HSF2BP: variants seen among roughly 807,000 people sequenced by gnomAD.
HSF2BP encodes the protein heat shock transcription factor 2 binding protein, also known as heat shock factor 2-binding protein.
In HSF2BP, 35 loss-of-function variants were observed where a neutral mutation model predicts 35.0. That is an observed-to-expected ratio of 1.00 (90% confidence interval 0.76 to 1.32). The LOEUF (loss-of-function observed/expected upper bound fraction) is 1.32. Among genes scored for constraint, HSF2BP ranks in the 40% most tolerant of loss-of-function variants. The pLI, the probability that HSF2BP is intolerant of heterozygous loss-of-function variation, is 0.00. For synonymous variants in HSF2BP, 114 were observed against 117.4 expected (o/e 0.97, Z 0.18); for missense variants, 326 against 321.7 (o/e 1.01, Z -0.10).
intron 8 of HSF2BP, among the ~76,000 whole-genome samples, chr21:43,576,104 C>A (rs1010550721): frequency 5.8e-5 from 7 of 121,428 alleles, no homozygotes; most frequent in African/African-American, 2.0e-4. Flanking sequence ...GATGACAGAG[C>A]AAGATTTTGT....
At chr21:43,592,482 C>T (rs1029194370) in intron 7 of HSF2BP, among the ~76,000 whole-genome samples, 154 bp from the exon 8 acceptor site, 1 of 152,138 alleles carries the variant, frequency 6.6e-6, no homozygotes, top group South Asian at 2.1e-4. Flanking sequence ...CATCTGTCTA[C>T]GTGAGGCTAC....
intron 7 of HSF2BP, among the ~76,000 whole-genome samples, chr21:43,599,607 A>C (rs1001436777): frequency 4.6e-5 from 7 of 152,092 alleles, no homozygotes; most frequent in Non-Finnish European, 7.4e-5. Flanking sequence ...CAGCCTGGCC[A>C]ACATGGTGAA....
chr21:43,505,540 A>G, the HSF2BP span, among the ~76,000 whole-genome samples: 1 of 95,808 alleles, frequency 1.0e-5, no homozygotes, highest in Non-Finnish European at 2.0e-5. Context: ...CTGAGATGTG[A>G]GCACATGCTC....
rs1182207990 is a variant in HSF2BP at position 43,597,162 on chromosome 21, G to C, written c.693-4834C>G. Among the ~76,000 whole-genome samples, 1 of 152,222 alleles carries C rather than the reference G, an allele frequency of 6.6e-6. No homozygotes were observed. Among genetic ancestry groups the C allele is most frequent in the Non-Finnish European group, 1.5e-5 (1 of 68,038 alleles). On this transcript the variant is annotated intron_variant, in intron 7 of 8. Transcript: ENST00000291560. This position sits in a 1 kb window ranked among gnomAD's most constrained non-coding sequence, Gnocchi z 4.3. ...ATGGCACAAGTGTGAGGCAGAGAAA[G>C]AGGGAGAGCTGCAAGGCAGAGGAAT...
intron 8 of HSF2BP, among the ~76,000 whole-genome samples, chr21:43,577,916 C>T (rs1174175730): frequency 6.6e-6 from 1 of 151,948 alleles, no homozygotes; most frequent in African/African-American, 2.4e-5. Flanking sequence ...TAATATTCTC[C>T]CCGCCCTTGA....
At chr21:43,644,473 T>A in intron 3 of HSF2BP, 81 bp from the exon 4 acceptor site, 1 of 1,060,090 alleles carries the variant, frequency 9.4e-7, no homozygotes, top group South Asian at 1.3e-5. Context: ...CAGTCTTGAC[T>A]TAGTAAAATG....
intron 2 of HSF2BP, 82 bp downstream of exon 2, chr21:43,657,979 C>A (rs2082900993): frequency 6.5e-7 from 1 of 1,529,596 alleles, no homozygotes; most frequent in Non-Finnish European, 8.7e-7. Flanking sequence ...GAGCCGTCTC[C>A]GAGCGCACGG....
chr21:43,629,910 C>T (rs1464804963), intron 6 of HSF2BP, among the ~76,000 whole-genome samples: 1 of 152,192 alleles, frequency 6.6e-6, no homozygotes, highest in Non-Finnish European at 1.5e-5. Context: ...GCATCACATG[C>T]TACTGAGAAA....
chr21:43,605,750 C>T (rs1383450641), intron 7 of HSF2BP, among the ~76,000 whole-genome samples: 2 of 149,348 alleles, frequency 1.3e-5, no homozygotes, highest in Non-Finnish European at 3.0e-5. Flanking sequence ...CTCCCCCCAA[C>T]ATATATACAC....
intron 4 of HSF2BP, among the ~76,000 whole-genome samples, chr21:43,636,527 G>T (rs775216603): frequency 2.3e-4 from 35 of 152,352 alleles, no homozygotes; most frequent in Non-Finnish European, 4.6e-4. Context: ...CTTGTGTCCA[G>T]ATTAAAGAAT....
At chr21:43,574,406 G>A (rs2146669617) in intron 8 of HSF2BP, among the ~76,000 whole-genome samples, 1 of 151,500 alleles carries the variant, frequency 6.6e-6, no homozygotes, top group East Asian at 1.9e-4. Context: ...CGCCCAGGCT[G>A]GAATGCAGTG....
chr21:43,656,280 A>C (rs1160102514), intron 3 of HSF2BP, among the ~76,000 whole-genome samples: 4 of 152,260 alleles, frequency 2.6e-5, no homozygotes, highest in Non-Finnish European at 5.9e-5. Context: ...TTACACAGTA[A>C]GTACTTAATT....
the HSF2BP span, among the ~76,000 whole-genome samples, chr21:43,445,639 A>AG: frequency 9.6e-5 from 11 of 115,126 alleles, 1 homozygote; most frequent in African/African-American, 2.6e-4. Flanking sequence ...GCACCGAGAA[A>AG]GGGGGGGCGC....
intron 3 of HSF2BP, among the ~76,000 whole-genome samples, chr21:43,653,410 C>G (rs1376783357): frequency 6.6e-6 from 1 of 152,086 alleles, no homozygotes; most frequent in African/African-American, 2.4e-5. Context: ...ATCAGGGGCC[C>G]TGCACTCCCA....
chr21:43,657,694 C>T (rs1056275688), intron 2 of HSF2BP, among the ~76,000 whole-genome samples: 22 of 152,266 alleles, frequency 1.4e-4, no homozygotes, highest in African/African-American at 5.3e-4. Context: ...GGCAGATTCT[C>T]TCTAAGCCTG....
chr21:43,634,132 TAAG>T (rs2082521290), intron 4 of HSF2BP, among the ~76,000 whole-genome samples: 1 of 152,166 alleles, frequency 6.6e-6, no homozygotes. Flanking sequence ...AGTGCCAGTC[TAAG>T]AAGAAGATGG....
intron 8 of HSF2BP, among the ~76,000 whole-genome samples, chr21:43,584,997 T>TTATTTATTTATTTA (rs2081830091): frequency 6.6e-6 from 1 of 151,664 alleles, no homozygotes. Flanking sequence ...TTTATTTAAT[T>TTATTTATTTATTTA]ATTTATTTAT....
At chr21:43,574,719 G>A (rs1018353821) in intron 8 of HSF2BP, among the ~76,000 whole-genome samples, 4 of 152,116 alleles carry the variant, frequency 2.6e-5, no homozygotes, top group Admixed American at 6.5e-5. Context: ...CAACATCCAC[G>A]ACGCACACTG....
At chr21:43,654,420 G>A (rs764887312) in intron 3 of HSF2BP, among the ~76,000 whole-genome samples, 20 of 152,166 alleles carry the variant, frequency 1.3e-4, no homozygotes, top group Admixed American at 3.3e-4. Flanking sequence ...GGTCCGCTTC[G>A]CAGTCAGACT....
Sources: gnomAD v4.1 joint callset for allele counts (sites outside exome capture counted in the v4.1 genomes callset) on GRCh38, gnomAD v4.1.1 for gene constraint, Gnocchi (gnomAD v3.1) non-coding constraint, MANE v1.5 for transcripts, NCBI Gene and HGNC (gene_info 2026-07-23, HGNC 2026-07-21) for gene names.